The following AFAP1L2 variants were observed in gnomAD, a reference collection of about 807,000 sequenced individuals.
The protein encoded by AFAP1L2 is actin filament associated protein 1 like 2.
Under a neutral mutation model 99.3 loss-of-function variants are expected in AFAP1L2, and 46 were observed. The observed-to-expected ratio is 0.46, with a 90% CI of 0.37 to 0.59. The LOEUF (loss-of-function observed/expected upper bound fraction) is 0.59. Among genes scored for constraint, AFAP1L2 ranks in the 20% least tolerant of loss-of-function variants. The probability of loss-of-function intolerance (pLI) is 0.00; values close to 1 mark genes in which losing one functional copy is unlikely to be tolerated. For synonymous variants in AFAP1L2, 397 were observed against 419.1 expected, an observed-to-expected ratio of 0.95 and a Z score of 0.64; for missense variants, 959 against 1,034.9, an observed-to-expected ratio of 0.93 and a Z score of 1.01.
At chr10:114,347,248 G>C (rs1474315805) in intron 1 of AFAP1L2, among the ~76,000 whole-genome samples, 1 of 152,156 alleles carries the variant, frequency 6.6e-6, no homozygotes, top group Non-Finnish European at 1.5e-5. Context: ...ACAGATGCCA[G>C]GGAGGGTGGA....
rs767778015 is a variant in AFAP1L2 at position 114,299,305 on chromosome 10, G to A, written c.2068C>T (p.Arg690Trp). ...EEIRGHLAQL[R>W]KEKRELKETL... Reference sequence around the variant, plus strand: ...TCCTTTAGCTCCCGTTTCTCTTTCCGGAGCTGAGCCAGGTGCCCCCGGATT... The same window carrying A: ...TCCTTTAGCTCCCGTTTCTCTTTCCAGAGCTGAGCCAGGTGCCCCCGGATT... Residue 690 changes from arginine (R) to tryptophan (W), a missense_variant, in exon 16 of 19, where the codon CGG becomes TGG. Transcript: ENST00000304129. 3.8e-5 allele frequency: 61 copies of A among 1,614,088 alleles called. No individual in the cohort carries two copies. Among genetic ancestry groups the A allele is most frequent in the Admixed American group, 5.0e-5 (3 of 60,006 alleles).
At chr10:114,349,515 C>G (rs1590403310) in intron 1 of AFAP1L2, among the ~76,000 whole-genome samples, 1 of 127,522 alleles carries the variant, frequency 7.8e-6, no homozygotes. Flanking sequence ...CCCAGGAGTT[C>G]AAATCCAGCC....
chr10:114,327,914 C>A (rs1384268182), intron 4 of AFAP1L2, among the ~76,000 whole-genome samples: 1 of 152,218 alleles, frequency 6.6e-6, no homozygotes, highest in African/African-American at 2.4e-5. Context: ...AGTGGACAGG[C>A]CAGGCCCAGC....
In AFAP1L2 at chr10:114,295,635, G is replaced by A. The variant is rs2040087524; in HGVS notation, c.*407C>T. 5.0e-6 allele frequency: 5 copies of A among 1,002,342 alleles called. No homozygotes were observed. Among genetic ancestry groups the A allele is most frequent in the Non-Finnish European group, 4.8e-6 (4 of 840,920 alleles). The allele number at this position is 1,002,342 out of a possible 1,614,324, so 62.1% of individuals were successfully genotyped here. The stretch of plus-strand genomic sequence containing the variant: ...ATAAGAGATGATGGCCAGGAGTTTA[G>A]GTCTTCTCACTCACCAAAGACACGT... On this transcript the variant is annotated 3_prime_UTR_variant, in exon 19 of 19. Coordinates refer to ENST00000304129, the MANE Select transcript of AFAP1L2 (RefSeq NM_001001936.3).
At position 114,319,709 on chromosome 10, in the gene AFAP1L2, C is replaced by T. The variant is rs148392659; in HGVS notation, c.406+3462G>A. 1,213 of 1,174,756 alleles carry T rather than the reference C, an allele frequency of 1.0e-3. 4 individuals are homozygous for T. The highest frequency in any genetic ancestry group is 1.3e-3 in the Non-Finnish European group (1,136 of 887,568). The allele number at this position is 1,174,756 out of a possible 1,614,324, so 72.8% of individuals were successfully genotyped here. On this transcript the variant is annotated intron_variant, in intron 5 of 18. Coordinates refer to ENST00000304129, the MANE Select transcript of AFAP1L2 (RefSeq NM_001001936.3). ...GAGAGACAGAATGAAGAGAGGAGCA[C>T]GCCCAAGTGCAGAGACACAAAGAGA...
intron 4 of AFAP1L2, among the ~76,000 whole-genome samples, chr10:114,325,333 GGGCAGTTAATGTGACA>G (rs2046092695): frequency 6.6e-6 from 1 of 152,186 alleles, no homozygotes; most frequent in South Asian, 2.1e-4. Flanking sequence ...TGCGCAGTGA[GGGCAGTTAATGTGACA>G]GGCAGTTAAT....
intron 1 of AFAP1L2, among the ~76,000 whole-genome samples, chr10:114,403,694 G>A (rs975779611): frequency 1.3e-5 from 2 of 152,132 alleles, no homozygotes; most frequent in African/African-American, 4.8e-5. Context: ...CTGGGCGTCC[G>A]GCGCACCCGG....
Position 114,295,780 on chromosome 10 carries a change from C to A in AFAP1L2, c.*262G>T. On this transcript the variant is annotated 3_prime_UTR_variant, in exon 19 of 19. Coordinates refer to ENST00000304129, the MANE Select transcript of AFAP1L2 (RefSeq NM_001001936.3). ...ATGACAACTTCAAAAAAGAAAGAAACACAGAACATCCCTAAATACAACGTC... is the reference window on the plus strand; with the variant it reads ...ATGACAACTTCAAAAAAGAAAGAAAAACAGAACATCCCTAAATACAACGTC... 1 of 1,205,886 alleles carries A rather than the reference C, an allele frequency of 8.3e-7. No individual in the cohort carries two copies. Among genetic ancestry groups the A allele is most frequent in the Non-Finnish European group, 1.0e-6 (1 of 969,014 alleles). 74.7% of individuals were successfully genotyped at this position (1,205,886 alleles called of 1,614,324 possible).
intron 1 of AFAP1L2, among the ~76,000 whole-genome samples, chr10:114,386,834 G>A (rs987969472): frequency 6.6e-6 from 1 of 152,360 alleles, no homozygotes; most frequent in Admixed American, 6.5e-5. Context: ...CTCGGTCCTG[G>A]GACTGCAGAG....
chr10:114,362,794 T>A (rs1006848020), intron 1 of AFAP1L2, among the ~76,000 whole-genome samples: 1 of 152,146 alleles, frequency 6.6e-6, no homozygotes, highest in Non-Finnish European at 1.5e-5. Context: ...TACAAAAGAT[T>A]AACCTCATTA....
chr10:114,403,219 T>C (rs2058386956), intron 1 of AFAP1L2, among the ~76,000 whole-genome samples: 1 of 152,362 alleles, frequency 6.6e-6, no homozygotes, highest in African/African-American at 2.4e-5. Flanking sequence ...GCCGGCTCCC[T>C]GCTGTCGGCA....
downstream of AFAP1L2, chr10:114,290,251 CCA>C: frequency 6.4e-7 from 1 of 1,550,512 alleles, no homozygotes. Context: ...AGCCAAGCAG[CCA>C]GTCAACCTCT....
Position 114,397,224 on chromosome 10 carries a change from C to T in AFAP1L2, c.16+7216G>A, listed in dbSNP as rs140680209. Among the ~76,000 whole-genome samples the T allele has an allele frequency of 9.2e-5, 14 of 152,324 alleles. No homozygotes were observed. The East Asian group carries it at 2.7e-3, about 29-fold the overall frequency. On this transcript the variant is annotated intron_variant, in intron 1 of 18. Coordinates refer to ENST00000304129, the MANE Select transcript of AFAP1L2 (RefSeq NM_001001936.3). Reference sequence around the variant, plus strand: ...GAAGATACTGAACATCTCTATCATTCCAAAAATTTCCCTCACGCCCTTTGT... The same window carrying T: ...GAAGATACTGAACATCTCTATCATTTCAAAAATTTCCCTCACGCCCTTTGT...
At chr10:114,384,891 C>T (rs752395504) in intron 1 of AFAP1L2, among the ~76,000 whole-genome samples, 10 of 152,210 alleles carry the variant, frequency 6.6e-5, no homozygotes, top group Non-Finnish European at 1.2e-4. Flanking sequence ...CTCAACAGAA[C>T]CTCTTGGGAA....
intron 5 of AFAP1L2, among the ~76,000 whole-genome samples, chr10:114,322,382 C>T (rs1337656257): frequency 6.6e-6 from 1 of 152,186 alleles, no homozygotes; most frequent in African/African-American, 2.4e-5. Flanking sequence ...TCCTTTCATT[C>T]TCCCCTGCTC....
chr10:114,286,386 C>G, the AFAP1L2 span: 1 of 1,613,808 alleles, frequency 6.2e-7, no homozygotes, highest in Non-Finnish European at 8.5e-7. Flanking sequence ...GGCAGTGAGG[C>G]CGTGCGGGCA....
chr10:114,310,195 T>C (rs2043010513), intron 8 of AFAP1L2, among the ~76,000 whole-genome samples, 159 bp downstream of exon 8: 1 of 152,230 alleles, frequency 6.6e-6, no homozygotes, highest in Non-Finnish European at 1.5e-5. Context: ...CCAAAGTGCT[T>C]GGCTTACAGG....
chr10:114,303,870 T>C (rs538251300), intron 11 of AFAP1L2, among the ~76,000 whole-genome samples: 1 of 152,298 alleles, frequency 6.6e-6, no homozygotes, highest in East Asian at 1.9e-4. Context: ...CAGACCCCAG[T>C]ACAAGTCTAT....
chr10:114,384,333 C>CG (rs2056204227), intron 1 of AFAP1L2, among the ~76,000 whole-genome samples: 2 of 151,698 alleles, frequency 1.3e-5, no homozygotes, highest in South Asian at 2.1e-4. Flanking sequence ...GTCCCCCCCC[C>CG]GCTGCAAGTG....
Sources: allele counts gnomAD v4.1 joint callset (sites outside exome capture counted in the v4.1 genomes callset), GRCh38; gene constraint gnomAD v4.1.1; transcripts MANE v1.5; gene names NCBI Gene and HGNC (gene_info 2026-07-23, HGNC 2026-07-21).